Variants in CAMTA1 observed in about 807,000 individuals in gnomAD.
CAMTA1 encodes the protein calmodulin binding transcription activator 1.
In CAMTA1, 27 loss-of-function variants were observed where a neutral mutation model predicts 170.9. The ratio of observed to expected loss-of-function variants is 0.16; its 90% CI spans 0.12 to 0.22. CAMTA1 has a LOEUF of 0.22. Among genes scored for constraint, CAMTA1 ranks in the 10% least tolerant of loss-of-function variants. The pLI is 1.00. For synonymous variants in CAMTA1, 833 were observed against 891.5 expected (o/e 0.93, Z 1.17); for missense variants, 1,619 against 2,217.2 (o/e 0.73, Z 5.42).
At chr1:7,432,340 G>T (rs1055178869) in intron 5 of CAMTA1, among the ~76,000 whole-genome samples, 1 of 152,214 alleles carries the variant, frequency 6.6e-6, no homozygotes, top group African/African-American at 2.4e-5. Flanking sequence ...GTCAGGTTTT[G>T]AATTCAGGTC....
intron 6 of CAMTA1, among the ~76,000 whole-genome samples, chr1:7,544,770 A>T (rs1046290474): frequency 6.6e-6 from 1 of 152,212 alleles, no homozygotes; most frequent in Non-Finnish European, 1.5e-5. Context: ...TCATGGTGGA[A>T]GGTGGGAGGA....
chr1:6,921,427 A>G (rs12125176), intron 3 of CAMTA1, among the ~76,000 whole-genome samples: 8,908 of 152,292 alleles, frequency 0.058, 367 homozygotes, highest in South Asian at 0.1. Flanking sequence ...GGAAGTTCCA[A>G]ACTTTTGCAC....
At chr1:7,078,477 G>A (rs1003610353) in intron 3 of CAMTA1, among the ~76,000 whole-genome samples, 2 of 152,126 alleles carry the variant, frequency 1.3e-5, no homozygotes, top group Non-Finnish European at 2.9e-5. Context: ...ATCTCTACGG[G>A]CTTACGATAG....
intron 2 of CAMTA1, 58 bp from the exon 3 acceptor site, chr1:6,825,034 A>C: frequency 4.0e-5 from 38 of 959,154 alleles, no homozygotes; most frequent in Non-Finnish European, 5.6e-5. Context: ...TTGTCAGTGT[A>C]CTTTAAAGGA....
intron 1 of CAMTA1, among the ~76,000 whole-genome samples, chr1:6,795,650 G>A (rs1157394896): frequency 6.6e-6 from 1 of 152,106 alleles, no homozygotes; most frequent in South Asian, 2.1e-4. Context: ...CTCATTCTGA[G>A]CAAGGAATGA....
At chr1:7,313,932 C>A (rs1254471238) in intron 5 of CAMTA1, among the ~76,000 whole-genome samples, 3 of 152,150 alleles carry the variant, frequency 2.0e-5, no homozygotes. Flanking sequence ...CTCAGAGGCA[C>A]AGAAGGGCCA....
intron 3 of CAMTA1, among the ~76,000 whole-genome samples, chr1:6,912,664 C>G (rs2149277239): frequency 6.6e-6 from 1 of 152,354 alleles, no homozygotes; most frequent in East Asian, 1.9e-4. Context: ...GCAGCCTGTC[C>G]TCCAGGCGGA....
chr1:7,624,571 G>GGGTGGT (rs1054843821), intron 6 of CAMTA1, among the ~76,000 whole-genome samples: 2 of 152,214 alleles, frequency 1.3e-5, no homozygotes, highest in African/African-American at 2.4e-5. Context: ...GGTGATGGGT[G>GGGTGGT]GGTGGTGGGT....
intron 2 of CAMTA1, among the ~76,000 whole-genome samples, chr1:6,824,030 C>T (rs1388616411): frequency 2.4e-4 from 37 of 152,152 alleles, no homozygotes; most frequent in Admixed American, 2.4e-3. Context: ...TGGGCCAGAT[C>T]TTGGACTCTT....
Position 7,680,879 on chromosome 1 carries a change from G to C in CAMTA1, c.2914+3146G>C, listed in dbSNP as rs2096195452. Among the ~76,000 whole-genome samples the C allele has an allele frequency of 6.7e-6, 1 of 149,750 alleles. No individual in the cohort carries two copies. The highest frequency in any genetic ancestry group is 2.1e-4 in the South Asian group (1 of 4,716). ...GCGCGCGCCAGCAGCAGCAGCAGCA[G>C]CAGCTGCTGCGGCGAAGTCTTTGTC... On this transcript the variant is annotated intron_variant, in intron 11 of 22. Transcript: ENST00000303635. This position sits in a 1 kb window ranked among gnomAD's most constrained non-coding sequence, Gnocchi z 4.4.
chr1:7,053,848 G>C lies in CAMTA1; in HGVS notation c.235-37456G>C, dbSNP rs559452127. 9.2e-5 allele frequency among the ~76,000 whole-genome samples: 14 copies of C among 152,326 alleles called. No homozygotes were observed. In the South Asian group the frequency reaches 2.9e-3, roughly 32 times the overall value. On this transcript the variant is annotated intron_variant, in intron 3 of 22. Transcript: ENST00000303635. ...GCTCAGCATGTCTCTGTGAATGAAT[G>C]AGTGAATGAATGCTGCGTGGAATCT...
At chr1:6,917,268 G>A (rs1681011063) in intron 3 of CAMTA1, among the ~76,000 whole-genome samples, 1 of 152,124 alleles carries the variant, frequency 6.6e-6, no homozygotes, top group Admixed American at 6.5e-5. Context: ...TGCAGGATGA[G>A]GGTGGAGTTG....
At chr1:7,074,277 T>A (rs1639021835) in intron 3 of CAMTA1, among the ~76,000 whole-genome samples, 1 of 152,218 alleles carries the variant, frequency 6.6e-6, no homozygotes, top group Non-Finnish European at 1.5e-5. Flanking sequence ...GCTGCTTCCC[T>A]CATTCCTGTA....
At chr1:7,304,276 T>C (rs1675251547) in intron 5 of CAMTA1, among the ~76,000 whole-genome samples, 1 of 152,238 alleles carries the variant, frequency 6.6e-6, no homozygotes, top group African/African-American at 2.4e-5. Context: ...TGGGAGTTGG[T>C]ATTGGATAGA....
chr1:7,242,082 T>C (rs1166229199), intron 4 of CAMTA1, among the ~76,000 whole-genome samples: 2 of 152,192 alleles, frequency 1.3e-5, no homozygotes, highest in African/African-American at 4.8e-5. Flanking sequence ...CTAGATTATA[T>C]GTAAAGAGCT....
chr1:7,684,807 A>G (rs2096244270), intron 11 of CAMTA1, among the ~76,000 whole-genome samples: 2 of 152,172 alleles, frequency 1.3e-5, no homozygotes, highest in African/African-American at 4.8e-5. Context: ...GCAGGGCTCC[A>G]TATCTTGTAG....
intron 6 of CAMTA1, among the ~76,000 whole-genome samples, chr1:7,498,345 T>G (rs376567531): frequency 6.2e-5 from 9 of 145,794 alleles, no homozygotes; most frequent in African/African-American, 2.4e-4. Context: ...TGTGTATGAG[T>G]GTGTGTAGAG....
intron 1 of CAMTA1, among the ~76,000 whole-genome samples, chr1:6,804,176 C>CTTT (rs889875577): frequency 2.6e-5 from 3 of 116,462 alleles, no homozygotes; most frequent in South Asian, 3.0e-4. Flanking sequence ...GAGCGAAACT[C>CTTT]TTTTTTTTTT....
At chr1:7,433,474 T>A (rs2092246909) in intron 5 of CAMTA1, among the ~76,000 whole-genome samples, 1 of 152,168 alleles carries the variant, frequency 6.6e-6, no homozygotes, top group South Asian at 2.1e-4. Context: ...ACCTAGCAGT[T>A]TCTTGCTGCA....
Sources: gnomAD v4.1 joint callset for allele counts (sites outside exome capture counted in the v4.1 genomes callset) on GRCh38, gnomAD v4.1.1 for gene constraint, Gnocchi (gnomAD v3.1) non-coding constraint, MANE v1.5 for transcripts, NCBI Gene and HGNC (gene_info 2026-07-23, HGNC 2026-07-21) for gene names.